Variants in PPP3R1 observed in about 807,000 individuals in gnomAD.
PPP3R1 encodes the protein calcineurin subunit B type 1.
Under a neutral mutation model 22.6 loss-of-function variants are expected in PPP3R1, and 5 were observed. The ratio of observed to expected loss-of-function variants is 0.22; its 90% confidence interval spans 0.12 to 0.46. The LOEUF (loss-of-function observed/expected upper bound fraction) is 0.46, where lower values mean the gene tolerates loss of function less well. Ranked by LOEUF, PPP3R1 falls within the 20% of genes least tolerant of loss-of-function variation. PPP3R1 has a pLI of 0.99. For missense variants in PPP3R1, 61 were observed against 203.2 expected (o/e 0.30, Z 4.25); for synonymous variants, 56 against 65.2 (o/e 0.86, Z 0.68).
chr2:68,229,118 A>G (rs1039611024), intron 1 of PPP3R1, among the ~76,000 whole-genome samples: 1 of 152,022 alleles, frequency 6.6e-6, no homozygotes, highest in Non-Finnish European at 1.5e-5. Flanking sequence ...CCTGGGCTCA[A>G]GTGATCCTCT....
At chr2:68,185,580 C>G (rs1424166612) in intron 5 of PPP3R1, among the ~76,000 whole-genome samples, 1 of 151,268 alleles carries the variant, frequency 6.6e-6, no homozygotes, top group East Asian at 1.9e-4. Flanking sequence ...TTTTATTCCC[C>G]TAAGGCTTAG....
At chr2:68,230,142 G>A (rs778533678) in intron 1 of PPP3R1, among the ~76,000 whole-genome samples, 4 of 151,886 alleles carry the variant, frequency 2.6e-5, no homozygotes, top group Non-Finnish European at 4.4e-5. Flanking sequence ...ACAAGCACTC[G>A]CCACCGTGCC....
intron 5 of PPP3R1, among the ~76,000 whole-genome samples, chr2:68,182,318 A>T (rs1007156139): frequency 2.0e-5 from 3 of 152,318 alleles, no homozygotes; most frequent in Middle Eastern, 3.4e-3. Context: ...TGGGAAAAAA[A>T]GCAGTTTGTC....
intron 1 of PPP3R1, among the ~76,000 whole-genome samples, chr2:68,239,002 T>C (rs1286668293): frequency 6.6e-6 from 1 of 151,234 alleles, no homozygotes; most frequent in African/African-American, 2.5e-5. Flanking sequence ...CTGTGCTGAA[T>C]AATAAACATA....
At chr2:68,241,101 G>A (rs373563071) in intron 1 of PPP3R1, among the ~76,000 whole-genome samples, 56 of 152,206 alleles carry the variant, frequency 3.7e-4, no homozygotes, top group African/African-American at 1.3e-3. Context: ...GTATCCACTG[G>A]GAACTGGTCC....
chr2:68,245,843 A>T (rs1480243197), intron 1 of PPP3R1, among the ~76,000 whole-genome samples: 1 of 152,170 alleles, frequency 6.6e-6, no homozygotes, highest in Non-Finnish European at 1.5e-5. Flanking sequence ...CTTCCTTTCC[A>T]GCCTAAACTC....
intron 1 of PPP3R1, among the ~76,000 whole-genome samples, chr2:68,250,337 T>G (rs1670323346): frequency 6.6e-6 from 1 of 152,290 alleles, no homozygotes; most frequent in East Asian, 1.9e-4. Context: ...CTTCCCAGTT[T>G]CAGTCTGTTG....
At chr2:68,222,280 T>G (rs1669699372) in intron 1 of PPP3R1, among the ~76,000 whole-genome samples, 1 of 152,184 alleles carries the variant, frequency 6.6e-6, no homozygotes. Flanking sequence ...ATTAAAGATG[T>G]ATATTGTAAA....
At chr2:68,240,598 GGAGT>G (rs1670105275) in intron 1 of PPP3R1, among the ~76,000 whole-genome samples, 1 of 152,170 alleles carries the variant, frequency 6.6e-6, no homozygotes, top group South Asian at 2.1e-4. Flanking sequence ...ACCTGCTCTG[GGAGT>G]GTATGGCTCC....
Position 68,227,824 on chromosome 2 carries a change from G to C in PPP3R1, c.4-10693C>G, listed in dbSNP as rs200931359. On this transcript the variant is annotated intron_variant, in intron 1 of 5. Coordinates refer to ENST00000234310, the MANE Select transcript of PPP3R1 (RefSeq NM_000945.4). ...ACAATTTTTGTGTTTATCTTGTATT[G>C]TGCACAATTTCGCCGAACTTATTCA... Among the ~76,000 whole-genome samples the C allele has an allele frequency of 5.3e-5, 8 of 151,802 alleles. No individual in the cohort carries two copies. The East Asian group carries it at 1.5e-3, about 29-fold the overall frequency.
chr2:68,247,218 GC>G (rs1284399419), intron 1 of PPP3R1, among the ~76,000 whole-genome samples: 3 of 152,176 alleles, frequency 2.0e-5, no homozygotes, highest in African/African-American at 7.2e-5. Flanking sequence ...CTCCCAAAGT[GC>G]TTGGATTGTA....
At chr2:68,223,957 A>C (rs1191779886) in intron 1 of PPP3R1, among the ~76,000 whole-genome samples, 1 of 152,024 alleles carries the variant, frequency 6.6e-6, no homozygotes, top group East Asian at 1.9e-4. Flanking sequence ...CGGCAAGATA[A>C]AAGGTCAATA....
chr2:68,212,554 C>G (rs2103764685), intron 2 of PPP3R1, among the ~76,000 whole-genome samples: 1 of 152,344 alleles, frequency 6.6e-6, no homozygotes, highest in South Asian at 2.1e-4. Flanking sequence ...GAAAACGTTA[C>G]TCTCTATGTA....
intron 2 of PPP3R1, among the ~76,000 whole-genome samples, chr2:68,193,332 T>TA (rs1288045213): frequency 6.6e-6 from 1 of 152,126 alleles, no homozygotes; most frequent in African/African-American, 2.4e-5. Context: ...GTGCAGCATG[T>TA]ATGGGGGCAG....
rs1674385120 is a variant in PPP3R1, at chr2:68,180,823, G to A, written c.*140C>T. ...TTCAATAACACTTAGTTGGCTTCAT[G>A]AGGCTCATGTTGGAAAATGTGGCTT... On this transcript the variant is annotated 3_prime_UTR_variant, in exon 6 of 6. Coordinates refer to ENST00000234310, the MANE Select transcript of PPP3R1 (RefSeq NM_000945.4). The A allele has an allele frequency of 1.2e-6, 1 of 816,832 alleles. No homozygotes were observed. The highest frequency in any genetic ancestry group is 2.0e-6 in the Non-Finnish European group (1 of 510,712). The allele number at this position is 816,832 out of a possible 1,614,324, so 50.6% of individuals were successfully genotyped here.
rs532515861 is a variant in PPP3R1, at chr2:68,228,738, T to C, written c.4-11607A>G. 3.3e-5 allele frequency among the ~76,000 whole-genome samples: 5 copies of C among 152,162 alleles called. No individual in the cohort carries two copies. In the South Asian group the frequency reaches 1.0e-3, roughly 32 times the overall value. On this transcript the variant is annotated intron_variant, in intron 1 of 5. Coordinates refer to ENST00000234310, the MANE Select transcript of PPP3R1 (RefSeq NM_000945.4). The stretch of plus-strand genomic sequence containing the variant: ...TGAAGTGGGAGCTTAGATTATTGAT[T>C]TGAGGGGGCTTTTCTTTTCCTCTTC...
chr2:68,197,113 C>T (rs957552780), intron 2 of PPP3R1, among the ~76,000 whole-genome samples: 37 of 152,142 alleles, frequency 2.4e-4, no homozygotes, highest in Non-Finnish European at 4.4e-4. Context: ...TAAGTTTTGA[C>T]AAATGCATAT....
At chr2:68,193,291 T>C (rs35636878) in intron 2 of PPP3R1, among the ~76,000 whole-genome samples, 1 of 151,946 alleles carries the variant, frequency 6.6e-6, no homozygotes, top group African/African-American at 2.4e-5. Context: ...ATACCCCATG[T>C]AGCTAAAACT....
At chr2:68,188,422 A>C in intron 3 of PPP3R1, 92 bp downstream of exon 3, 1 of 1,058,720 alleles carries the variant, frequency 9.4e-7, no homozygotes, top group Non-Finnish European at 1.3e-6. Flanking sequence ...GTCACTAGGA[A>C]TATAAGCACT....
Sources: allele counts gnomAD v4.1 joint callset (sites outside exome capture counted in the v4.1 genomes callset), GRCh38; gene constraint gnomAD v4.1.1; transcripts MANE v1.5; gene names NCBI Gene and HGNC (gene_info 2026-07-23, HGNC 2026-07-21).